Variants in FGF12 observed in about 807,000 individuals in gnomAD.
FGF12 encodes fibroblast growth factor 12B.
In FGF12, 14 loss-of-function variants were observed where a neutral mutation model predicts 23.6. That is an observed-to-expected ratio of 0.59 (90% CI 0.39 to 0.93). The LOEUF (loss-of-function observed/expected upper bound fraction) is 0.93. FGF12 is among the 40% of genes least tolerant of loss of function. The probability of loss-of-function intolerance (pLI) is 0.00; values close to 1 mark genes in which losing one functional copy is unlikely to be tolerated. For synonymous variants in FGF12, 62 were observed against 77.3 expected, an observed-to-expected ratio of 0.80 and a Z score of 1.04; for missense variants, 175 against 217.8, an observed-to-expected ratio of 0.80 and a Z score of 1.24.
intron 4 of FGF12, among the ~76,000 whole-genome samples, chr3:192,321,747 T>C (rs530411824): frequency 6.6e-6 from 1 of 152,074 alleles, no homozygotes; most frequent in East Asian, 1.9e-4. Flanking sequence ...TGCTGAAAAA[T>C]CTCTTGATAA....
intron 2 of FGF12, among the ~76,000 whole-genome samples, chr3:192,624,304 C>G (rs1715086574): frequency 6.6e-6 from 1 of 151,988 alleles, no homozygotes; most frequent in Non-Finnish European, 1.5e-5. Flanking sequence ...TTTATATCAA[C>G]ATAGGAAAAA....
At chr3:192,400,316 G>C (rs1720704190) in intron 2 of FGF12, among the ~76,000 whole-genome samples, 1 of 151,014 alleles carries the variant, frequency 6.6e-6, no homozygotes, top group Non-Finnish European at 1.5e-5. Context: ...TATGGGTATT[G>C]TAAAACCATT....
chr3:192,381,270 TAAC>T (rs1457637908), intron 2 of FGF12, among the ~76,000 whole-genome samples: 2 of 152,170 alleles, frequency 1.3e-5, no homozygotes, highest in Non-Finnish European at 2.9e-5. Context: ...TTAATACTGA[TAAC>T]AACAAGGTAC....
chr3:192,513,767 T>C (rs1413997216), intron 2 of FGF12, among the ~76,000 whole-genome samples: 1 of 152,200 alleles, frequency 6.6e-6, no homozygotes, highest in Non-Finnish European at 1.5e-5. Context: ...AGGGTGTCAT[T>C]GTTCTCTTCC....
intron 2 of FGF12, among the ~76,000 whole-genome samples, chr3:192,689,642 G>A (rs1468795537): frequency 2.0e-5 from 3 of 151,806 alleles, no homozygotes; most frequent in African/African-American, 7.3e-5. Flanking sequence ...AGAAAAAAAG[G>A]AATGAAAATT....
At chr3:192,321,429 G>A (rs1475709694) in intron 4 of FGF12, among the ~76,000 whole-genome samples, 1 of 151,094 alleles carries the variant, frequency 6.6e-6, no homozygotes, top group Admixed American at 6.6e-5. Context: ...AAATAGAAGA[G>A]GAGGGAATAA....
At chr3:192,159,322 GT>G (rs1212160070) in intron 5 of FGF12, among the ~76,000 whole-genome samples, 1 of 152,208 alleles carries the variant, frequency 6.6e-6, no homozygotes, top group Non-Finnish European at 1.5e-5. Context: ...GTTGGATACA[GT>G]TAATTATTTC....
intron 4 of FGF12, among the ~76,000 whole-genome samples, chr3:192,312,746 CAAAA>C (rs59639014): frequency 7.7e-6 from 1 of 129,352 alleles, no homozygotes; most frequent in Admixed American, 8.0e-5. Flanking sequence ...GACTCGGTCT[CAAAA>C]AAAAAAAAAA....
At chr3:192,224,957 C>A (rs150633515) in intron 4 of FGF12, among the ~76,000 whole-genome samples, 1 of 152,002 alleles carries the variant, frequency 6.6e-6, no homozygotes, top group Non-Finnish European at 1.5e-5. Context: ...GGAATTCTGA[C>A]GTAATACATG....
At chr3:192,512,835 A>ATATAT (rs1724521996) in intron 2 of FGF12, among the ~76,000 whole-genome samples, 1 of 76,778 alleles carries the variant, frequency 1.3e-5, no homozygotes, top group African/African-American at 6.4e-5. Flanking sequence ...TACTCAAATA[A>ATATAT]ATATATATAT....
rs114082324 is a variant in FGF12 at position 192,317,489 on chromosome 3, C to T, written c.228+17872G>A. ...GGATGGTAGTGGCCACAGGAAGAGA[C>T]TCTCCTGCTTAAGGAAAGGGAAAAA... is the stretch of plus-strand genomic sequence containing the variant. On this transcript the variant is annotated intron_variant, in intron 4 of 5. Coordinates refer to ENST00000445105, the MANE Select transcript of FGF12 (RefSeq NM_004113.6). 1.3e-3 allele frequency among the ~76,000 whole-genome samples: 202 copies of T among 152,144 alleles called. 1 individual carries two copies. Among genetic ancestry groups the T allele is most frequent in the African/African-American group, 4.6e-3 (191 of 41,494 alleles).
Position 192,237,103 on chromosome 3 carries a change from T to C in FGF12, c.229-66447A>G, listed in dbSNP as rs11925649. On this transcript the variant is annotated intron_variant, in intron 4 of 5. Transcript: ENST00000445105. ...TCCTCCATTTAAGAAGTTTGGTTTG[T>C]CTGAATATGAAATTATTGGCTGAAA... is the stretch of plus-strand genomic sequence containing the variant. Among the ~76,000 whole-genome samples, 1,264 of 152,312 alleles carry C rather than the reference T, an allele frequency of 8.3e-3. 15 individuals carry two copies. The highest frequency in any genetic ancestry group is 0.029 in the African/African-American group (1,219 of 41,562).
intron 2 of FGF12, among the ~76,000 whole-genome samples, chr3:192,558,582 C>T (rs1224292579): frequency 2.0e-5 from 2 of 101,732 alleles, no homozygotes; most frequent in African/African-American, 3.8e-5. Context: ...AAAAAAAATC[C>T]TAAAATTCAT....
intron 2 of FGF12, among the ~76,000 whole-genome samples, chr3:192,611,478 C>A (rs1326416229): frequency 6.6e-6 from 1 of 151,942 alleles, no homozygotes; most frequent in Non-Finnish European, 1.5e-5. Flanking sequence ...TCTACAAGGT[C>A]CTTGCATTAG....
At chr3:192,665,136 C>G (rs1412467658) in intron 2 of FGF12, among the ~76,000 whole-genome samples, 2 of 151,940 alleles carry the variant, frequency 1.3e-5, no homozygotes, top group Non-Finnish European at 2.9e-5. Flanking sequence ...CAGGTAGTTA[C>G]AAAATATTTC....
intron 2 of FGF12, among the ~76,000 whole-genome samples, chr3:192,687,191 A>T (rs1244790787): frequency 6.6e-6 from 1 of 151,062 alleles, no homozygotes; most frequent in Non-Finnish European, 1.5e-5. Context: ...GAATCTCTAG[A>T]TGAGACAAAT....
chr3:192,462,728 C>T (rs1722899417), intron 2 of FGF12, among the ~76,000 whole-genome samples: 1 of 152,066 alleles, frequency 6.6e-6, no homozygotes, highest in South Asian at 2.1e-4. Flanking sequence ...GGTACAAATG[C>T]CCCTAACTTT....
At chr3:192,337,594 A>G (rs1374263009) in intron 3 of FGF12, among the ~76,000 whole-genome samples, 2 of 152,214 alleles carry the variant, frequency 1.3e-5, no homozygotes, top group Non-Finnish European at 2.9e-5. Context: ...TTGCAGACAC[A>G]TAGTTTCTAA....
At chr3:192,635,619 A>T (rs1486126300) in intron 2 of FGF12, among the ~76,000 whole-genome samples, 2 of 152,236 alleles carry the variant, frequency 1.3e-5, no homozygotes, top group African/African-American at 4.8e-5. Context: ...GTATACATTA[A>T]TCCAGAAACC....
Sources: gnomAD v4.1 joint callset for allele counts (sites outside exome capture counted in the v4.1 genomes callset) on GRCh38, gnomAD v4.1.1 for gene constraint, MANE v1.5 for transcripts, NCBI Gene and HGNC (gene_info 2026-07-23, HGNC 2026-07-21) for gene names.